Variants in ARHGAP28 observed in about 807,000 individuals in gnomAD.
ARHGAP28 encodes the protein Rho GTPase activating protein 28, also known as rho GTPase-activating protein 28.
In ARHGAP28, 56 loss-of-function variants were observed where a neutral mutation model predicts 90.7. The ratio of observed to expected loss-of-function variants is 0.62; its 90% CI spans 0.50 to 0.77. ARHGAP28 has a LOEUF of 0.77. ARHGAP28 is among the 30% of genes least tolerant of loss of function. The pLI, the probability that ARHGAP28 is intolerant of heterozygous loss-of-function variation, is 0.00. For missense variants in ARHGAP28, 869 were observed against 900.9 expected, an observed-to-expected ratio of 0.96 and a Z score of 0.45; for synonymous variants, 308 against 323.3, an observed-to-expected ratio of 0.95 and a Z score of 0.51.
At chr18:6,781,116 A>G (rs1385514217) in intron 1 of ARHGAP28, among the ~76,000 whole-genome samples, 1 of 152,204 alleles carries the variant, frequency 6.6e-6, no homozygotes, top group Non-Finnish European at 1.5e-5. Context: ...AGGAATATTC[A>G]GAATATTTCC....
intron 3 of ARHGAP28, among the ~76,000 whole-genome samples, chr18:6,839,094 C>T (rs2056776694): frequency 6.6e-6 from 1 of 151,034 alleles, no homozygotes; most frequent in African/African-American, 2.5e-5. Flanking sequence ...TGCAGCAGTA[C>T]CAAGGGATGA....
At chr18:6,730,819 A>T (rs907446644) in intron 1 of ARHGAP28, among the ~76,000 whole-genome samples, 2 of 152,192 alleles carry the variant, frequency 1.3e-5, no homozygotes, top group African/African-American at 4.8e-5. Context: ...GCTTTTCTTT[A>T]CAAGGGGGCA....
At chr18:6,773,312 A>G (rs557280388) in intron 1 of ARHGAP28, among the ~76,000 whole-genome samples, 14 of 152,280 alleles carry the variant, frequency 9.2e-5, no homozygotes, top group African/African-American at 3.1e-4. Context: ...TGCATACATA[A>G]TGTAATTTTG....
chr18:6,746,307 A>C (rs2056023020), intron 1 of ARHGAP28, among the ~76,000 whole-genome samples: 1 of 152,156 alleles, frequency 6.6e-6, no homozygotes, highest in South Asian at 2.1e-4. Context: ...GCGAAGGGTC[A>C]ATATTTTAGG....
chr18:6,908,385 C>T (rs974643164), intron 16 of ARHGAP28, among the ~76,000 whole-genome samples: 5 of 152,068 alleles, frequency 3.3e-5, no homozygotes, highest in African/African-American at 7.2e-5. Context: ...ATGATCCACC[C>T]GCCTCAACCT....
At chr18:6,798,265 C>T (rs1230958736) in intron 1 of ARHGAP28, among the ~76,000 whole-genome samples, 1 of 152,156 alleles carries the variant, frequency 6.6e-6, no homozygotes, top group East Asian at 1.9e-4. Flanking sequence ...GCAATCTCTG[C>T]TCACTGCAAC....
intron 1 of ARHGAP28, among the ~76,000 whole-genome samples, chr18:6,784,042 ACT>A (rs1361110134): frequency 6.6e-6 from 1 of 151,634 alleles, no homozygotes; most frequent in Non-Finnish European, 1.5e-5. Flanking sequence ...AGCCAGGCAG[ACT>A]CTTATTAAAA....
At position 6,889,963 on chromosome 18, in the gene ARHGAP28, G is replaced by A; in HGVS notation, c.1612G>A (p.Val538Met). ...NRMSLWNISTVMAPNLFFSRS... is the reference protein window; with the variant it reads ...NRMSLWNISTMMAPNLFFSRS... ...AATGAGTCTGTGGAACATTTCTACA[G>A]TGATGGCACCAAACCTTTTCTTCAG... Residue 538 changes from valine to methionine, a missense_variant, in exon 13 of 18, where the codon GTG becomes ATG. Coordinates refer to ENST00000383472, the MANE Select transcript of ARHGAP28 (RefSeq NM_001366230.1). 6.2e-7 allele frequency: 1 copy of A among 1,614,202 alleles called. No homozygotes were observed. Among genetic ancestry groups the A allele is most frequent in the Non-Finnish European group, 8.5e-7 (1 of 1,180,024 alleles).
intron 1 of ARHGAP28, chr18:6,790,319 A>G (rs1178436804): frequency 6.6e-6 from 1 of 152,242 alleles, no homozygotes; most frequent in African/African-American, 2.4e-5. Context: ...TAGTAAAAGT[A>G]CAAAACTTGT....
chr18:6,869,973 G>GTAC (rs1241644329), intron 6 of ARHGAP28, among the ~76,000 whole-genome samples: 2 of 152,172 alleles, frequency 1.3e-5, no homozygotes, highest in East Asian at 3.9e-4. Context: ...TTTTTAAGGG[G>GTAC]TACTACATAT....
intron 1 of ARHGAP28, among the ~76,000 whole-genome samples, chr18:6,786,808 T>A (rs962336051): frequency 6.6e-6 from 1 of 152,106 alleles, no homozygotes; most frequent in African/African-American, 2.4e-5. Context: ...AAAAAATCCC[T>A]AAAATAGCAA....
At chr18:6,826,894 C>T (rs991630954) in intron 2 of ARHGAP28, among the ~76,000 whole-genome samples, 4 of 152,106 alleles carry the variant, frequency 2.6e-5, no homozygotes, top group East Asian at 1.9e-4. Context: ...TGACTCTCAA[C>T]GAGCACTCTG....
intron 4 of ARHGAP28, among the ~76,000 whole-genome samples, chr18:6,857,763 G>C (rs1459841228): frequency 2.0e-5 from 3 of 152,264 alleles, no homozygotes; most frequent in Non-Finnish European, 4.4e-5. Context: ...ATTGCAGATA[G>C]AAGGAATTAC....
At chr18:6,877,711 G>T (rs547779) in intron 10 of ARHGAP28, among the ~76,000 whole-genome samples, 121,957 of 152,104 alleles carry the variant, frequency 0.8, 49,098 homozygotes, top group Non-Finnish European at 0.84. Context: ...GCTTTCTAGG[G>T]TGCATCTGCT....
At chr18:6,792,570 A>T (rs1328084842) in intron 1 of ARHGAP28, among the ~76,000 whole-genome samples, 2 of 152,162 alleles carry the variant, frequency 1.3e-5, no homozygotes, top group East Asian at 3.9e-4. Context: ...CAATCAGAAA[A>T]CGCTCCCACA....
At chr18:6,760,991 T>C (rs1450496081) in intron 1 of ARHGAP28, among the ~76,000 whole-genome samples, 1 of 152,248 alleles carries the variant, frequency 6.6e-6, no homozygotes, top group East Asian at 1.9e-4. Context: ...CTTAGGTCTC[T>C]GTATACAACA....
chr18:6,895,492 TG>T (rs1471223233), intron 15 of ARHGAP28, among the ~76,000 whole-genome samples: 2 of 152,232 alleles, frequency 1.3e-5, no homozygotes, highest in African/African-American at 4.8e-5. Flanking sequence ...AAAATCAGGG[TG>T]TCAGCAAGCT....
chr18:6,786,167 TC>T, intron 1 of ARHGAP28, among the ~76,000 whole-genome samples: 1 of 152,318 alleles, frequency 6.6e-6, no homozygotes, highest in Middle Eastern at 3.4e-3. Flanking sequence ...CGTAGTGATT[TC>T]CAGAGTTATT....
At chr18:6,805,326 CTA>C (rs1353521884) in intron 1 of ARHGAP28, among the ~76,000 whole-genome samples, 1 of 152,032 alleles carries the variant, frequency 6.6e-6, no homozygotes, top group Admixed American at 6.5e-5. Flanking sequence ...TCTTTTTGCT[CTA>C]TAATAAAATT....
Sources: allele counts gnomAD v4.1 joint callset (sites outside exome capture counted in the v4.1 genomes callset), GRCh38; gene constraint gnomAD v4.1.1; transcripts MANE v1.5; gene names NCBI Gene and HGNC (gene_info 2026-07-23, HGNC 2026-07-21).